Variants in PHF14 observed in about 807,000 individuals in gnomAD.
The protein encoded by PHF14 is PHD finger protein 14.
In PHF14, 55 loss-of-function variants were observed where a neutral mutation model predicts 117.9. The observed-to-expected ratio is 0.47, with a 90% confidence interval of 0.38 to 0.58. PHF14 has a LOEUF of 0.58. Ranked by LOEUF, PHF14 falls within the 20% of genes least tolerant of loss-of-function variation. The probability of loss-of-function intolerance (pLI) is 0.00; values close to 1 mark genes in which losing one functional copy is unlikely to be tolerated. For synonymous variants in PHF14, 409 were observed against 368.6 expected (o/e 1.11, Z -1.26); for missense variants, 978 against 1,122.2 (o/e 0.87, Z 1.84).
intron 4 of PHF14, 81 bp from the exon 5 acceptor site, chr7:11,013,666 T>TG: frequency 1.4e-6 from 1 of 694,066 alleles, no homozygotes; most frequent in Non-Finnish European, 2.3e-6. Flanking sequence ...CTCATCTCTT[T>TG]GCTATTCTTT....
intron 7 of PHF14, among the ~76,000 whole-genome samples, 187 bp downstream of exon 7, chr7:11,029,005 C>G (rs893427192): frequency 6.6e-6 from 1 of 151,968 alleles, no homozygotes; most frequent in African/African-American, 2.4e-5. Flanking sequence ...GCTAGTCAGA[C>G]GTTCAGAAAA....
intron 14 of PHF14, among the ~76,000 whole-genome samples, chr7:11,060,548 C>T (rs1019172602): frequency 1.3e-5 from 2 of 152,144 alleles, no homozygotes; most frequent in Non-Finnish European, 2.9e-5. Context: ...TAAAAGATAG[C>T]TTCTAATTCA....
chr7:11,009,465 C>G (rs977321296), intron 4 of PHF14, among the ~76,000 whole-genome samples: 4 of 151,514 alleles, frequency 2.6e-5, no homozygotes, highest in African/African-American at 7.3e-5. Context: ...TCTGTGTTAC[C>G]CATTGGAAAC....
At chr7:10,989,797 A>AT (rs1429605862) in intron 3 of PHF14, among the ~76,000 whole-genome samples, 2 of 152,024 alleles carry the variant, frequency 1.3e-5, no homozygotes, top group Non-Finnish European at 2.9e-5. Flanking sequence ...CGCCCAGCTA[A>AT]TTTTAAAATA....
chr7:10,974,460 CG>C, intron 1 of PHF14, 136 bp downstream of exon 1: 2 of 778,502 alleles, frequency 2.6e-6, no homozygotes, highest in South Asian at 3.0e-5. Context: ...CCATGGTCCG[CG>C]GGAATGAAGC....
At chr7:11,129,611 A>G (rs1431762413) in intron 17 of PHF14, among the ~76,000 whole-genome samples, 2 of 151,090 alleles carry the variant, frequency 1.3e-5, no homozygotes, top group Non-Finnish European at 3.0e-5. Flanking sequence ...TATTTACCAA[A>G]ATATTTTCTT....
At chr7:11,158,418 A>T (rs1339754603) in intron 17 of PHF14, among the ~76,000 whole-genome samples, 1 of 152,148 alleles carries the variant, frequency 6.6e-6, no homozygotes, top group Non-Finnish European at 1.5e-5. Flanking sequence ...TGTGCATCAG[A>T]GCAGGGGAAC....
intron 4 of PHF14, among the ~76,000 whole-genome samples, chr7:10,999,401 C>T (rs1272944069): frequency 6.6e-6 from 1 of 152,170 alleles, no homozygotes; most frequent in East Asian, 1.9e-4. Context: ...GCCTTGTGGT[C>T]TCAATGTCTC....
At chr7:11,073,808 T>G (rs1487800304) in intron 16 of PHF14, among the ~76,000 whole-genome samples, 1 of 152,172 alleles carries the variant, frequency 6.6e-6, no homozygotes, top group African/African-American at 2.4e-5. Context: ...CCAAGATTTT[T>G]TCACTCTCGC....
At position 11,133,797 on chromosome 7, in the gene PHF14, G is replaced by T. The variant is rs190703175; in HGVS notation, c.2772+22330G>T. On this transcript the variant is annotated intron_variant, in intron 17 of 17. Transcript: ENST00000634607. Reference sequence around the variant, plus strand: ...TATTGCACATATTACATCATAAAACGATTCCTCCTGGATGCTTATCTACTA... The same window carrying T: ...TATTGCACATATTACATCATAAAACTATTCCTCCTGGATGCTTATCTACTA... Among the ~76,000 whole-genome samples the T allele has an allele frequency of 2.0e-5, 3 of 152,046 alleles. No individual in the cohort carries two copies. In the East Asian group the frequency reaches 5.8e-4, roughly 29 times the overall value.
intron 14 of PHF14, among the ~76,000 whole-genome samples, chr7:11,057,399 G>A (rs1785054673): frequency 6.6e-6 from 1 of 151,994 alleles, no homozygotes; most frequent in Admixed American, 6.6e-5. Flanking sequence ...TTTTGAGACA[G>A]AGTCTTGCTC....
intron 16 of PHF14, chr7:11,110,431 T>C (rs1384086874): frequency 1.1e-5 from 3 of 278,750 alleles, no homozygotes; most frequent in Non-Finnish European, 1.6e-5. Flanking sequence ...CTCTTTGTTA[T>C]TTGTTGTTAA....
chr7:11,074,187 A>G (rs1232873627), intron 16 of PHF14, among the ~76,000 whole-genome samples: 2 of 151,696 alleles, frequency 1.3e-5, no homozygotes, highest in South Asian at 4.2e-4. Context: ...TCCTCTCCTG[A>G]AAATGCCTTT....
chr7:11,116,201 C>T (rs1210653574), intron 17 of PHF14, among the ~76,000 whole-genome samples: 1 of 151,926 alleles, frequency 6.6e-6, no homozygotes, highest in Non-Finnish European at 1.5e-5. Context: ...GACATGATTC[C>T]GCCAATCTTC....
intron 16 of PHF14, among the ~76,000 whole-genome samples, chr7:11,068,902 C>T (rs1027116165): frequency 9.2e-5 from 14 of 152,132 alleles, no homozygotes; most frequent in African/African-American, 3.1e-4. Flanking sequence ...TATTTTTTCT[C>T]ACTGATGTAG....
chr7:11,118,441 T>C (rs1290677586), intron 17 of PHF14, among the ~76,000 whole-genome samples: 1 of 151,868 alleles, frequency 6.6e-6, no homozygotes. Flanking sequence ...AATCCCTTAG[T>C]TTCTAATTGA....
At chr7:11,128,949 T>G (rs1788010502) in intron 17 of PHF14, among the ~76,000 whole-genome samples, 1 of 152,046 alleles carries the variant, frequency 6.6e-6, no homozygotes, top group Non-Finnish European at 1.5e-5. Flanking sequence ...CATTTGACAT[T>G]TGGTAGACTT....
intron 17 of PHF14, among the ~76,000 whole-genome samples, chr7:11,160,693 T>C (rs1028801815): frequency 2.0e-5 from 3 of 152,208 alleles, no homozygotes; most frequent in African/African-American, 7.2e-5. Flanking sequence ...TTTTTTCATA[T>C]GTTTGTTGGC....
At chr7:11,082,466 C>A (rs1481321810) in intron 16 of PHF14, among the ~76,000 whole-genome samples, 1 of 152,116 alleles carries the variant, frequency 6.6e-6, no homozygotes. Flanking sequence ...TATAAATTTT[C>A]TTCCCTCACA....
Sources: allele counts gnomAD v4.1 joint callset (sites outside exome capture counted in the v4.1 genomes callset), GRCh38; gene constraint gnomAD v4.1.1; transcripts MANE v1.5; gene names NCBI Gene and HGNC (gene_info 2026-07-23, HGNC 2026-07-21).